Variants in SLC39A11 observed in about 807,000 individuals in gnomAD.
SLC39A11 encodes solute carrier family 39 member 11.
In SLC39A11, 33 loss-of-function variants were observed where a neutral mutation model predicts 36.1. That is an observed-to-expected ratio of 0.91 (90% confidence interval 0.69 to 1.22). SLC39A11 has a LOEUF of 1.22. SLC39A11 is among the 50% of genes most tolerant of loss of function. SLC39A11 has a pLI of 0.00. For missense variants in SLC39A11, 432 were observed against 430.3 expected (o/e 1.00, Z -0.03); for synonymous variants, 166 against 170.3 (o/e 0.97, Z 0.20).
At chr17:72,978,172 C>T (rs1398334441) in intron 4 of SLC39A11, among the ~76,000 whole-genome samples, 1 of 152,046 alleles carries the variant, frequency 6.6e-6, no homozygotes, top group Non-Finnish European at 1.5e-5. Context: ...CCACAGCCCT[C>T]TTCCCTGCCC....
intron 3 of SLC39A11, among the ~76,000 whole-genome samples, chr17:73,036,486 AC>A (rs1476699312): frequency 3.9e-5 from 6 of 152,034 alleles, no homozygotes; most frequent in Non-Finnish European, 8.8e-5. Context: ...TCACTCTGTC[AC>A]CCAGGCTGGA....
intron 5 of SLC39A11, among the ~76,000 whole-genome samples, chr17:72,922,175 A>G (rs1471774270): frequency 6.6e-6 from 1 of 152,196 alleles, no homozygotes; most frequent in Non-Finnish European, 1.5e-5. Flanking sequence ...ACAGGTAATG[A>G]GAGTTGGGTA....
intron 7 of SLC39A11, among the ~76,000 whole-genome samples, chr17:72,679,052 A>G (rs529572191): frequency 6.6e-6 from 1 of 152,188 alleles, no homozygotes; most frequent in African/African-American, 2.4e-5. Context: ...TCTCACTCAT[A>G]GGTGGGAGCT....
chr17:72,836,821 TGTG>T (rs2078569963), intron 6 of SLC39A11, among the ~76,000 whole-genome samples: 1 of 152,120 alleles, frequency 6.6e-6, no homozygotes, highest in African/African-American at 2.4e-5. Flanking sequence ...CATGCCTTTG[TGTG>T]GTGTTCTGCT....
At chr17:72,919,734 GTGA>G (rs139889907) in intron 5 of SLC39A11, among the ~76,000 whole-genome samples, 5,285 of 151,474 alleles carry the variant, frequency 0.035, 295 homozygotes, top group African/African-American at 0.12. Context: ...CCCTCTGCCT[GTGA>G]TGATGACCCC....
At chr17:73,008,573 G>A (rs565803517) in intron 4 of SLC39A11, among the ~76,000 whole-genome samples, 1 of 152,150 alleles carries the variant, frequency 6.6e-6, no homozygotes, top group South Asian at 2.1e-4. Context: ...CTGATTATAG[G>A]GACACCAGGA....
intron 7 of SLC39A11, among the ~76,000 whole-genome samples, chr17:72,708,706 C>T (rs2072992128): frequency 1.3e-5 from 2 of 152,224 alleles, no homozygotes; most frequent in South Asian, 4.1e-4. Context: ...CAGTTCCATT[C>T]AGTCTCCTTG....
intron 7 of SLC39A11, among the ~76,000 whole-genome samples, chr17:72,704,594 T>G (rs978059764): frequency 1.3e-5 from 2 of 152,148 alleles, no homozygotes; most frequent in African/African-American, 4.8e-5. Context: ...AGTGATGCTG[T>G]CCCTCAAAAA....
At chr17:72,887,735 CA>C (rs2081505846) in intron 5 of SLC39A11, among the ~76,000 whole-genome samples, 1 of 152,094 alleles carries the variant, frequency 6.6e-6, no homozygotes, top group Non-Finnish European at 1.5e-5. Flanking sequence ...GAACAATTTA[CA>C]AATTGTGGCT....
At chr17:72,971,761 G>A (rs140795941) in intron 4 of SLC39A11, among the ~76,000 whole-genome samples, 1 of 151,768 alleles carries the variant, frequency 6.6e-6, no homozygotes, top group African/African-American at 2.4e-5. Context: ...ACCTACACAA[G>A]TGGGCTTACA....
At chr17:73,009,058 C>CAAAA (rs34448509) in intron 4 of SLC39A11, among the ~76,000 whole-genome samples, 6,202 of 78,644 alleles carry the variant, frequency 0.079, 895 homozygotes, top group African/African-American at 0.26. Flanking sequence ...AGACCTGCCT[C>CAAAA]AAAAAAAAAA....
chr17:73,014,540 C>A (rs2090703447), intron 4 of SLC39A11, among the ~76,000 whole-genome samples: 1 of 152,108 alleles, frequency 6.6e-6, no homozygotes, highest in South Asian at 2.1e-4. Flanking sequence ...GAGCTGTATC[C>A]CAGCTATTCA....
rs549864875 is a variant in SLC39A11 at position 72,792,491 on chromosome 17, G to A, written c.602-55772C>T. Among the ~76,000 whole-genome samples, 9 of 152,304 alleles carry A rather than the reference G, an allele frequency of 5.9e-5. 1 individual carries two copies. The South Asian group carries it at 1.9e-3, about 32-fold the overall frequency. On this transcript the variant is annotated intron_variant, in intron 6 of 9. Transcript: ENST00000255559. ...CTCGCAGCTAAGTCTTTGAGGTTTT[G>A]TGAGGCTCCAAGGTGTCAAGGAAGC...
At chr17:72,683,367 G>A (rs56144805) in intron 7 of SLC39A11, among the ~76,000 whole-genome samples, 29,970 of 142,268 alleles carry the variant, frequency 0.21, 3,170 homozygotes, top group Middle Eastern at 0.26. Flanking sequence ...ACACGGTCTC[G>A]CCATCTCCTA....
chr17:72,777,051 C>T (rs1298634427), intron 6 of SLC39A11, among the ~76,000 whole-genome samples: 1 of 152,184 alleles, frequency 6.6e-6, no homozygotes, highest in Admixed American at 6.5e-5. Flanking sequence ...CAAGGGTGGG[C>T]CTGCTTCGTA....
At position 72,857,105 on chromosome 17, in the gene SLC39A11, G is replaced by T. The variant is rs563145096; in HGVS notation, c.431-7301C>A. Among the ~76,000 whole-genome samples the T allele has an allele frequency of 7.9e-5, 12 of 152,270 alleles. No individual in the cohort carries two copies. In the South Asian group the frequency reaches 2.5e-3, roughly 32 times the overall value. ...TAGGTACTAAGCCTAGTACCCAATA[G>T]TTACTTTTTCTGATCCTCTCCCTCC... On this transcript the variant is annotated intron_variant, in intron 5 of 9. Transcript: ENST00000255559.
At chr17:72,986,913 G>A (rs1263072749) in intron 4 of SLC39A11, among the ~76,000 whole-genome samples, 2 of 152,148 alleles carry the variant, frequency 1.3e-5, no homozygotes, top group Admixed American at 6.5e-5. Flanking sequence ...AAGAATAAAA[G>A]CACAGGGTAT....
At chr17:72,686,578 T>C (rs2071762551) in intron 7 of SLC39A11, among the ~76,000 whole-genome samples, 1 of 140,282 alleles carries the variant, frequency 7.1e-6, no homozygotes, top group South Asian at 2.3e-4. Flanking sequence ...ACTGTTCTTC[T>C]GTCCAGTGAG....
chr17:72,788,609 A>T (rs867768349), intron 6 of SLC39A11, among the ~76,000 whole-genome samples: 1 of 152,266 alleles, frequency 6.6e-6, no homozygotes, highest in South Asian at 2.1e-4. Flanking sequence ...GGAGTATAAG[A>T]ATAATACACA....
Sources: gnomAD v4.1 joint callset for allele counts (sites outside exome capture counted in the v4.1 genomes callset) on GRCh38, gnomAD v4.1.1 for gene constraint, MANE v1.5 for transcripts, NCBI Gene and HGNC (gene_info 2026-07-23, HGNC 2026-07-21) for gene names.